Variants in SOX5 observed in about 807,000 individuals in gnomAD.
The protein encoded by SOX5 is transcription factor SOX-5.
SOX5 carries 9 observed loss-of-function variants against 92.0 expected under a neutral mutation model. The observed-to-expected ratio is 0.10, with a 90% CI of 0.06 to 0.17. The LOEUF (loss-of-function observed/expected upper bound fraction) is 0.17, where lower values mean the gene tolerates loss of function less well. Among genes scored for constraint, SOX5 ranks in the 10% least tolerant of loss-of-function variants. SOX5 has a pLI of 1.00. For missense variants in SOX5, 642 were observed against 944.5 expected (o/e 0.68, Z 4.20); for synonymous variants, 344 against 336.3 (o/e 1.02, Z -0.25).
At chr12:24,434,588 A>T (rs1939037570) in intron 1 of SOX5, among the ~76,000 whole-genome samples, 1 of 152,062 alleles carries the variant, frequency 6.6e-6, no homozygotes, top group Admixed American at 6.6e-5. Flanking sequence ...GCCTGGTGGG[A>T]GGTGATTGGA....
intron 10 of SOX5, among the ~76,000 whole-genome samples, chr12:23,570,816 CAG>C (rs1454840540): frequency 6.8e-6 from 1 of 146,136 alleles, no homozygotes; most frequent in African/African-American, 2.6e-5. Context: ...GAGGCTGAGA[CAG>C]GGGAATGGCG....
At chr12:24,553,212 G>A (rs1953387360) in intron 1 of SOX5, among the ~76,000 whole-genome samples, 3 of 152,132 alleles carry the variant, frequency 2.0e-5, no homozygotes, top group Admixed American at 2.0e-4. Flanking sequence ...GAATAAAAGT[G>A]GCAGAATCAA....
At chr12:23,713,846 C>G (rs2092278091) in intron 6 of SOX5, among the ~76,000 whole-genome samples, 1 of 150,954 alleles carries the variant, frequency 6.6e-6, no homozygotes, top group African/African-American at 2.4e-5. Flanking sequence ...AATCCCAGCA[C>G]TTTGAGAGGC....
At chr12:24,495,813 G>A (rs968525112) in intron 1 of SOX5, among the ~76,000 whole-genome samples, 1 of 152,212 alleles carries the variant, frequency 6.6e-6, no homozygotes, top group African/African-American at 2.4e-5. Context: ...GGATGGGGGA[G>A]GGTGTGGTAC....
chr12:23,738,374 A>C (rs1464078273), intron 5 of SOX5: 1 of 152,240 alleles, frequency 6.6e-6, no homozygotes, highest in Non-Finnish European at 1.5e-5. Context: ...ACAGAGTGGT[A>C]ACTGTGCATG....
intron 9 of SOX5, among the ~76,000 whole-genome samples, chr12:23,602,815 C>G (rs73091305): frequency 0.073 from 11,084 of 152,062 alleles, 540 homozygotes; most frequent in Non-Finnish European, 0.1. Flanking sequence ...AAAATTATCA[C>G]TACTTTAAAA....
chr12:23,919,296 A>G (rs1368039948), intron 1 of SOX5, among the ~76,000 whole-genome samples: 1 of 152,352 alleles, frequency 6.6e-6, no homozygotes, highest in East Asian at 1.9e-4. Flanking sequence ...CTGGATTTTT[A>G]TGAGGAATGT....
chr12:23,607,277 A>G (rs1235759038), intron 8 of SOX5, among the ~76,000 whole-genome samples: 1 of 152,194 alleles, frequency 6.6e-6, no homozygotes, highest in Non-Finnish European at 1.5e-5. Flanking sequence ...TTATATTCTA[A>G]CACAAAAGCA....
At chr12:24,114,706 G>A (rs908063231) in intron 4 of SOX5, among the ~76,000 whole-genome samples, 4 of 151,698 alleles carry the variant, frequency 2.6e-5, no homozygotes, top group African/African-American at 4.8e-5. Flanking sequence ...GGCAGGCCAC[G>A]GTGGGAGAAT....
At chr12:23,860,691 CA>C (rs1451713940) in intron 2 of SOX5, among the ~76,000 whole-genome samples, 2 of 151,898 alleles carry the variant, frequency 1.3e-5, no homozygotes, top group East Asian at 3.9e-4. Context: ...CTACAAAAGG[CA>C]GGTGAAAAAA....
chr12:23,751,383 T>A (rs550172692), intron 4 of SOX5, among the ~76,000 whole-genome samples: 1 of 151,956 alleles, frequency 6.6e-6, no homozygotes, highest in South Asian at 2.1e-4. Context: ...TTTGAAGTGA[T>A]ATAAACCCTT....
At position 24,461,128 on chromosome 12, in the gene SOX5, C is replaced by A. The variant is rs1943575837; in HGVS notation, c.-250-92489G>T. ...AGTGACAACACATTTACAGAAGGAA[C>A]AATAAAGATGAAATTCTATGTATGC... On this transcript the variant is annotated intron_variant, in intron 1 of 4. Transcript: ENST00000446891. 2.0e-5 allele frequency among the ~76,000 whole-genome samples: 3 copies of A among 152,140 alleles called. No individual in the cohort carries two copies. The South Asian group carries it at 6.2e-4, about 32-fold the overall frequency.
chr12:24,425,206 T>C (rs1966579109), intron 1 of SOX5, among the ~76,000 whole-genome samples: 1 of 152,222 alleles, frequency 6.6e-6, no homozygotes, highest in Non-Finnish European at 1.5e-5. Context: ...CCCTAGGGAC[T>C]ATGTCTTCTT....
At chr12:23,790,873 C>T (rs1397889913) in intron 3 of SOX5, among the ~76,000 whole-genome samples, 3 of 152,104 alleles carry the variant, frequency 2.0e-5, no homozygotes, top group African/African-American at 4.8e-5. Context: ...TTACACCCCG[C>T]TCTATAAGGT....
intron 2 of SOX5, among the ~76,000 whole-genome samples, chr12:24,344,836 T>C (rs553951801): frequency 2.0e-5 from 3 of 152,336 alleles, no homozygotes; most frequent in South Asian, 2.1e-4. Context: ...CCCAATCATA[T>C]AGCATCTTAT....
chr12:23,770,182 G>A (rs958165431), intron 3 of SOX5, among the ~76,000 whole-genome samples: 6 of 150,184 alleles, frequency 4.0e-5, no homozygotes, highest in Non-Finnish European at 7.4e-5. Context: ...TCCCCTATCC[G>A]TGGCAGAAAC....
chr12:23,702,104 TCTCTTATACG>T (rs1040174089), intron 6 of SOX5, among the ~76,000 whole-genome samples: 1 of 152,090 alleles, frequency 6.6e-6, no homozygotes, highest in Non-Finnish European at 1.5e-5. Flanking sequence ...CAGATTCATA[TCTCTTATACG>T]CTGTTTTAAG....
At chr12:23,965,546 G>A (rs1233467332) in intron 4 of SOX5, among the ~76,000 whole-genome samples, 1 of 152,136 alleles carries the variant, frequency 6.6e-6, no homozygotes, top group Non-Finnish European at 1.5e-5. Flanking sequence ...TACTCAGATT[G>A]TGATAACCAC....
At chr12:24,180,357 T>C (rs1955348975) in intron 4 of SOX5, among the ~76,000 whole-genome samples, 1 of 152,190 alleles carries the variant, frequency 6.6e-6, no homozygotes. Context: ...AGATTTCTAG[T>C]TATCTTGGTA....
Sources: gnomAD v4.1 joint callset for allele counts (sites outside exome capture counted in the v4.1 genomes callset) on GRCh38, gnomAD v4.1.1 for gene constraint, MANE v1.5 for transcripts, NCBI Gene and HGNC (gene_info 2026-07-23, HGNC 2026-07-21) for gene names.